Variants in ZFP2 observed in about 807,000 individuals in gnomAD.
The protein encoded by ZFP2 is ZFP2 zinc finger protein, also known as zinc finger protein ZFP2.
In ZFP2, 33 loss-of-function variants were observed where a neutral mutation model predicts 36.1. That is an observed-to-expected ratio of 0.92 (90% CI 0.69 to 1.22). The LOEUF is 1.22. ZFP2 is among the 50% of genes most tolerant of loss of function. ZFP2 has a pLI of 0.00. For synonymous variants in ZFP2, 170 were observed against 178.0 expected, an observed-to-expected ratio of 0.96 and a Z score of 0.36; for missense variants, 522 against 551.4, an observed-to-expected ratio of 0.95 and a Z score of 0.53.
At chr5:178,901,794 TTTG>T (rs921463295) in intron 1 of ZFP2, among the ~76,000 whole-genome samples, 1 of 106,982 alleles carries the variant, frequency 9.3e-6, no homozygotes, top group African/African-American at 3.0e-5. Flanking sequence ...GGTTTTTTGG[TTTG>T]TTTTTTTTTT....
chr5:178,910,099 G>A (rs1025302957), intron 1 of ZFP2: 15 of 1,470,858 alleles, frequency 1.0e-5, no homozygotes, highest in Admixed American at 8.4e-5. Context: ...TTATTCTCCT[G>A]TTTGGCTTCT....
intron 1 of ZFP2, among the ~76,000 whole-genome samples, chr5:178,898,169 A>G (rs1757980313): frequency 6.6e-6 from 1 of 152,122 alleles, no homozygotes; most frequent in Non-Finnish European, 1.5e-5. Flanking sequence ...TATTTTTGGT[A>G]GAGACAGGAT....
intron 4 of ZFP2, among the ~76,000 whole-genome samples, chr5:178,930,314 C>CTTTTTTTTTTTTTTTTTTTTTTT (rs990713790): frequency 5.6e-5 from 4 of 71,370 alleles, no homozygotes; most frequent in Admixed American, 2.2e-4. Flanking sequence ...TTTCCCTTTC[C>CTTTTTTTTTTTTTTTTTTTTTTT]TTTTTTTTTT....
chr5:178,925,151 A>G lies in ZFP2; in HGVS notation c.-77-6086A>G, dbSNP rs1451458367. 8.4e-5 allele frequency among the ~76,000 whole-genome samples: 11 copies of G among 131,430 alleles called. 1 individual carries two copies. Among genetic ancestry groups the G allele is most frequent in the African/African-American group, 3.0e-4 (11 of 36,478 alleles). The allele number at this position is 131,430 out of a possible 152,430, so 86.2% of individuals were successfully genotyped here. On this transcript the variant is annotated intron_variant, in intron 4 of 4. Transcript: ENST00000361362. ...TACACACACACACACACACACACAC[A>G]TATATATACACATATATACATATAC...
rs1436520394 is a variant in ZFP2, at chr5:178,922,669, C to T, written c.-78+5959C>T. The T allele has an allele frequency of 1.0e-5, 16 of 1,586,426 alleles. 1 individual carries two copies. Among genetic ancestry groups the T allele is most frequent in the Admixed American group, 6.7e-5 (4 of 59,302 alleles). On this transcript the variant is annotated intron_variant, in intron 4 of 4. Coordinates refer to ENST00000361362, the MANE Select transcript of ZFP2 (RefSeq NM_030613.4). The stretch of plus-strand genomic sequence containing the variant: ...GTCCACGTGGCTGGCCTTGTTATTT[C>T]ACCACTCTGGATATACTGGAATAGA...
chr5:178,918,857 C>T (rs373664369), intron 4 of ZFP2, among the ~76,000 whole-genome samples: 12 of 152,266 alleles, frequency 7.9e-5, no homozygotes, highest in African/African-American at 2.9e-4. Context: ...AGTAAAATGT[C>T]AAGGATCTGA....
intron 1 of ZFP2, among the ~76,000 whole-genome samples, chr5:178,899,227 A>G (rs912935944): frequency 6.6e-6 from 1 of 152,158 alleles, no homozygotes; most frequent in African/African-American, 2.4e-5. Flanking sequence ...GGCTTTCCTG[A>G]AACATTATTT....
chr5:178,909,737 G>C, intron 1 of ZFP2: 2 of 1,546,858 alleles, frequency 1.3e-6, no homozygotes, highest in Non-Finnish European at 1.7e-6. Flanking sequence ...ACAAGCCCTC[G>C]GGCCTTGAGC....
intron 4 of ZFP2, chr5:178,922,535 A>T (rs1758578199): frequency 7.1e-7 from 1 of 1,406,824 alleles, no homozygotes; most frequent in Non-Finnish European, 1.0e-6. Flanking sequence ...TCTCCAGATC[A>T]CTGCAATGTC....
In ZFP2 at chr5:178,931,289, T is replaced by C; in HGVS notation, c.-25T>C. 6.4e-7 allele frequency: 1 copy of C among 1,551,548 alleles called. No individual in the cohort carries two copies. Among genetic ancestry groups the C allele is most frequent in the South Asian group, 1.2e-5 (1 of 80,126 alleles). The stretch of plus-strand genomic sequence containing the variant: ...AGCCAACTCCGAAGCCGGGTATTAC[T>C]GAAGATTTATGCCATGGGGTAACAA... On this transcript the variant is annotated 5_prime_UTR_variant, in exon 5 of 5. Transcript: ENST00000361362.
At chr5:178,917,109 T>C (rs1055536750) in intron 4 of ZFP2, among the ~76,000 whole-genome samples, 1 of 152,224 alleles carries the variant, frequency 6.6e-6, no homozygotes, top group Non-Finnish European at 1.5e-5. Context: ...TGGAAAGCAG[T>C]GTCTTTTAGC....
At chr5:178,914,615 AG>A (rs1362967147) in intron 3 of ZFP2, among the ~76,000 whole-genome samples, 1 of 151,852 alleles carries the variant, frequency 6.6e-6, no homozygotes, top group Non-Finnish European at 1.5e-5. Context: ...AGTGTTTTTG[AG>A]GAGCTTATAT....
chr5:178,913,507 A>G (rs1295359969), intron 3 of ZFP2, among the ~76,000 whole-genome samples: 2 of 152,118 alleles, frequency 1.3e-5, no homozygotes, highest in Non-Finnish European at 2.9e-5. Flanking sequence ...TTCTCCTTCA[A>G]AGGAAACTAA....
chr5:178,904,972 A>G (rs934129281), intron 1 of ZFP2, among the ~76,000 whole-genome samples: 2 of 152,080 alleles, frequency 1.3e-5, no homozygotes, highest in Non-Finnish European at 2.9e-5. Context: ...AAGTGCTGGG[A>G]TTACAGGAGT....
rs376395736 is a variant in ZFP2 at position 178,931,282 on chromosome 5, G to A, written c.-32G>A. ...ACCAAAGAGCCAACTCCGAAGCCGG[G>A]TATTACTGAAGATTTATGCCATGGG... On this transcript the variant is annotated 5_prime_UTR_variant, in exon 5 of 5. Coordinates refer to ENST00000361362, the MANE Select transcript of ZFP2 (RefSeq NM_030613.4). The A allele has an allele frequency of 5.4e-5, 84 of 1,543,832 alleles. No homozygotes were observed. The highest frequency in any genetic ancestry group is 7.1e-5 in the Non-Finnish European group (82 of 1,150,172).
chr5:178,910,232 G>T (rs1429720766), intron 1 of ZFP2: 1 of 1,581,722 alleles, frequency 6.3e-7, no homozygotes, highest in East Asian at 2.2e-5. Context: ...TCCAAGCCAA[G>T]AGCAGCACTC....
intron 1 of ZFP2, chr5:178,910,207 T>C: frequency 6.3e-7 from 1 of 1,579,386 alleles, no homozygotes; most frequent in Non-Finnish European, 8.7e-7. Flanking sequence ...TTGCACATGG[T>C]TGCAGCCTGG....
At chr5:178,926,548 G>A (rs1426185043) in intron 4 of ZFP2, among the ~76,000 whole-genome samples, 3 of 150,910 alleles carry the variant, frequency 2.0e-5, no homozygotes, top group African/African-American at 7.3e-5. Context: ...ATGGAGTCTC[G>A]CTGTGTCGCC....
Position 178,921,839 on chromosome 5 carries a change from C to T in ZFP2, c.-78+5129C>T, listed in dbSNP as rs141409160. On this transcript the variant is annotated intron_variant, in intron 4 of 4. Coordinates refer to ENST00000361362, the MANE Select transcript of ZFP2 (RefSeq NM_030613.4). ...ACTTCTCAGGGCCTTCAAATAATTGCTTCATGCTTTCTGTTCGGGTTTATC... is the reference window on the plus strand; with the variant it reads ...ACTTCTCAGGGCCTTCAAATAATTGTTTCATGCTTTCTGTTCGGGTTTATC... Among the ~76,000 whole-genome samples, 4 of 149,488 alleles carry T rather than the reference C, an allele frequency of 2.7e-5. 1 individual carries two copies. The highest frequency in any genetic ancestry group is 9.7e-5 in the African/African-American group (4 of 41,264).
Sources: allele counts gnomAD v4.1 joint callset (sites outside exome capture counted in the v4.1 genomes callset), GRCh38; gene constraint gnomAD v4.1.1; transcripts MANE v1.5; gene names NCBI Gene and HGNC (gene_info 2026-07-23, HGNC 2026-07-21).